BACH2: variants seen among roughly 807,000 people sequenced by gnomAD.
BACH2 encodes the protein transcription regulator protein BACH2.
A neutral mutation model predicts 61.8 loss-of-function variants in BACH2; 5 were observed. The observed-to-expected ratio is 0.08, with a 90% confidence interval of 0.04 to 0.17. BACH2 has a LOEUF of 0.17. Ranked by LOEUF, BACH2 falls within the 10% of genes least tolerant of loss-of-function variation. The pLI is 1.00. For missense variants in BACH2, 824 were observed against 1,091.1 expected (o/e 0.76, Z 3.45); for synonymous variants, 446 against 440.1 (o/e 1.01, Z -0.17).
intron 4 of BACH2, among the ~76,000 whole-genome samples, chr6:90,170,802 C>T (rs1157794176): frequency 1.3e-5 from 2 of 152,018 alleles, no homozygotes; most frequent in Non-Finnish European, 2.9e-5. Flanking sequence ...CCTAAAAATG[C>T]TGAGTACTAA....
intron 3 of BACH2, among the ~76,000 whole-genome samples, chr6:90,233,574 T>C (rs1349083115): frequency 6.6e-6 from 1 of 152,188 alleles, no homozygotes; most frequent in Non-Finnish European, 1.5e-5. Context: ...GCCTGACAAT[T>C]GGGAATAATA....
At chr6:90,272,446 A>G (rs747467218) in intron 1 of BACH2, among the ~76,000 whole-genome samples, 13 of 151,566 alleles carry the variant, frequency 8.6e-5, no homozygotes, top group South Asian at 2.1e-4. Flanking sequence ...TAGCCCCCCA[A>G]TCATCCCCAT....
intron 5 of BACH2, among the ~76,000 whole-genome samples, chr6:90,028,144 TCAAATAAGGCAA>T (rs1188588521): frequency 1.3e-5 from 2 of 152,134 alleles, no homozygotes; most frequent in Non-Finnish European, 2.9e-5. Context: ...ACTGTGAAGG[TCAAATAAGGCAA>T]CAGATCTGAG....
intron 7 of BACH2, among the ~76,000 whole-genome samples, chr6:89,942,610 C>T (rs1166857517): frequency 6.6e-6 from 1 of 152,188 alleles, no homozygotes; most frequent in African/African-American, 2.4e-5. Context: ...GCCATCCCCA[C>T]TAGTTATACT....
chr6:90,173,118 T>TA (rs988196219), intron 4 of BACH2, among the ~76,000 whole-genome samples: 65 of 136,684 alleles, frequency 4.8e-4, no homozygotes, highest in Middle Eastern at 3.7e-3. Flanking sequence ...GAACTATATT[T>TA]AAAAAAAAAA....
At chr6:90,142,856 T>TA (rs937811238) in intron 4 of BACH2, among the ~76,000 whole-genome samples, 15 of 151,654 alleles carry the variant, frequency 9.9e-5, no homozygotes, top group South Asian at 2.1e-4. Context: ...TTAAGAATAA[T>TA]AAAAAAAAGG....
At chr6:90,011,613 A>C (rs949135327) in intron 5 of BACH2, among the ~76,000 whole-genome samples, 5 of 152,202 alleles carry the variant, frequency 3.3e-5, no homozygotes, top group Admixed American at 1.3e-4. Flanking sequence ...AGCTGGCACT[A>C]CAGGTGTGCA....
rs889769345 is a variant in BACH2 at position 90,107,787 on chromosome 6, A to G, written c.-161-18678T>C. ...TGTTTTCTTCTTCTTTCTTCTGTCT[A>G]TTCACTCGGTGGCAAAGGAGCACAT... On this transcript the variant is annotated intron_variant, in intron 4 of 8. Coordinates refer to ENST00000257749, the MANE Select transcript of BACH2 (RefSeq NM_021813.4). Among the ~76,000 whole-genome samples the G allele has an allele frequency of 2.0e-5, 3 of 149,372 alleles. No individual in the cohort carries two copies. The Admixed American group carries it at 2.0e-4, about 10-fold the overall frequency.
chr6:90,180,429 G>A (rs1768119249), intron 4 of BACH2, among the ~76,000 whole-genome samples: 1 of 152,122 alleles, frequency 6.6e-6, no homozygotes, highest in African/African-American at 2.4e-5. Context: ...TTGGTTACAT[G>A]AATAAACTGT....
chr6:89,959,251 TG>T (rs963151498), intron 6 of BACH2, among the ~76,000 whole-genome samples: 1 of 152,132 alleles, frequency 6.6e-6, no homozygotes, highest in Admixed American at 6.6e-5. Flanking sequence ...ACTTCAACTT[TG>T]GGCTGAAAAA....
chr6:90,290,249 C>T (rs187550655), intron 1 of BACH2, among the ~76,000 whole-genome samples: 23 of 152,324 alleles, frequency 1.5e-4, no homozygotes, highest in Non-Finnish European at 2.4e-4. Context: ...CCCAACCTCC[C>T]GACCAGGTTA....
chr6:90,169,582 G>A (rs915987877), intron 4 of BACH2, among the ~76,000 whole-genome samples: 5 of 152,178 alleles, frequency 3.3e-5, no homozygotes, highest in African/African-American at 1.2e-4. Context: ...GCATGGTCAT[G>A]CCCTTGTGGG....
chr6:90,073,862 A>T (rs559919865), intron 5 of BACH2, among the ~76,000 whole-genome samples: 6 of 152,344 alleles, frequency 3.9e-5, no homozygotes, highest in Admixed American at 6.5e-5. Flanking sequence ...ATCAAGCCTT[A>T]AAACTTCGTC....
chr6:89,954,651 G>A (rs1178778779), intron 6 of BACH2, among the ~76,000 whole-genome samples: 2 of 151,528 alleles, frequency 1.3e-5, no homozygotes, highest in Non-Finnish European at 2.9e-5. Flanking sequence ...AGTACTGGGA[G>A]TCACCCTCTG....
At chr6:89,934,640 C>T (rs1231784535) in intron 8 of BACH2, among the ~76,000 whole-genome samples, 1 of 151,558 alleles carries the variant, frequency 6.6e-6, no homozygotes, top group African/African-American at 2.4e-5. Context: ...GTCTGGGCGA[C>T]AGAGCGAGAC....
chr6:89,934,731 G>A (rs923898546), intron 8 of BACH2, among the ~76,000 whole-genome samples: 6 of 152,094 alleles, frequency 3.9e-5, no homozygotes, highest in Non-Finnish European at 7.4e-5. Context: ...ACAATGAAGT[G>A]GATGAAGAAA....
At chr6:90,042,302 C>T (rs372167099) in intron 5 of BACH2, among the ~76,000 whole-genome samples, 2 of 152,048 alleles carry the variant, frequency 1.3e-5, no homozygotes, top group East Asian at 3.9e-4. Flanking sequence ...AAGCAGTTCT[C>T]CCTCCTCAGC....
chr6:90,095,914 C>T lies in BACH2; in HGVS notation c.-161-6805G>A, dbSNP rs190176434. Among the ~76,000 whole-genome samples, 352 of 152,274 alleles carry T rather than the reference C, an allele frequency of 2.3e-3. 2 individuals are homozygous for T. The highest frequency in any genetic ancestry group is 3.9e-3 in the Non-Finnish European group (266 of 68,018). On this transcript the variant is annotated intron_variant, in intron 4 of 8. Transcript: ENST00000257749. ...AGAGAACCCTGACTCAGAGAGGCAA[C>T]GTGTTTTGCTTAAGGTCATACTGCT...
chr6:90,196,950 T>C (rs1401155131), intron 4 of BACH2, among the ~76,000 whole-genome samples: 3 of 152,232 alleles, frequency 2.0e-5, no homozygotes, highest in Non-Finnish European at 4.4e-5. Context: ...ACTAGATGTC[T>C]ACTGGACTAG....
Sources: allele counts gnomAD v4.1 joint callset (sites outside exome capture counted in the v4.1 genomes callset), GRCh38; gene constraint gnomAD v4.1.1; transcripts MANE v1.5; gene names NCBI Gene and HGNC (gene_info 2026-07-23, HGNC 2026-07-21).